The following PRICKLE2 variants were observed in gnomAD, a reference collection of about 807,000 sequenced individuals.
PRICKLE2 encodes the protein prickle-like protein 2.
A neutral mutation model predicts 81.4 loss-of-function variants in PRICKLE2; 21 were observed. That is an observed-to-expected ratio of 0.26 (90% confidence interval 0.18 to 0.37). The LOEUF (loss-of-function observed/expected upper bound fraction) is 0.37, where lower values mean the gene tolerates loss of function less well. PRICKLE2 is among the 10% of genes least tolerant of loss of function. The pLI is 1.00. For missense variants in PRICKLE2, 940 were observed against 1,109.0 expected, an observed-to-expected ratio of 0.85 and a Z score of 2.16; for synonymous variants, 456 against 421.5, an observed-to-expected ratio of 1.08 and a Z score of -1.00.
chr3:64,098,111 C>T lies in PRICKLE2; in HGVS notation c.*940G>A, dbSNP rs986580597. On this transcript the variant is annotated 3_prime_UTR_variant, in exon 8 of 8. Transcript: ENST00000638394. The stretch of plus-strand genomic sequence containing the variant: ...GAACATAATGCCACATTCAAAACAA[C>T]GTCATGCTGACATCACACAATGGCA... The T allele has an allele frequency of 1.3e-5, 2 of 152,690 alleles. No homozygotes were observed. Among genetic ancestry groups the T allele is most frequent in the Non-Finnish European group, 1.5e-5 (1 of 68,064 alleles). 9.5% of individuals were successfully genotyped at this position (152,690 alleles called of 1,614,324 possible).
At chr3:64,178,997 TTC>T (rs1228003781) in intron 2 of PRICKLE2, among the ~76,000 whole-genome samples, 1 of 148,724 alleles carries the variant, frequency 6.7e-6, no homozygotes, top group East Asian at 2.0e-4. Context: ...CTTTCTTTCT[TTC>T]TTTCTTTCTT....
At chr3:64,257,445 C>A (rs2079543233) in intron 2 of PRICKLE2, among the ~76,000 whole-genome samples, 2 of 152,166 alleles carry the variant, frequency 1.3e-5, no homozygotes, top group Non-Finnish European at 2.9e-5. Context: ...ATATGTGCAG[C>A]CCATCATGTC....
intron 1 of PRICKLE2, among the ~76,000 whole-genome samples, chr3:64,208,786 T>A (rs531119956): frequency 1.3e-5 from 2 of 152,362 alleles, no homozygotes; most frequent in East Asian, 1.9e-4. Context: ...GATAAACTCA[T>A]AAGTGACTTG....
intron 3 of PRICKLE2, among the ~76,000 whole-genome samples, chr3:64,161,349 T>A (rs1022480003): frequency 2.0e-5 from 3 of 152,166 alleles, no homozygotes; most frequent in Non-Finnish European, 2.9e-5. Context: ...AATCTGGACA[T>A]CAGAAAGGTT....
rs531652133 is a variant in PRICKLE2, at chr3:64,205,563, T to C, written c.-40-6596A>G. On this transcript the variant is annotated intron_variant, in intron 1 of 7. Transcript: ENST00000638394. ...ACAGGTTATTTACAACACCGAACCC[T>C]GAACCACAAGGTCTTGTTTTATGTG... Among the ~76,000 whole-genome samples, 3 of 152,296 alleles carry C rather than the reference T, an allele frequency of 2.0e-5. No homozygotes were observed. The South Asian group carries it at 6.2e-4, about 32-fold the overall frequency.
intron 2 of PRICKLE2, among the ~76,000 whole-genome samples, chr3:64,256,402 A>G (rs1349043142): frequency 2.0e-5 from 3 of 152,190 alleles, no homozygotes; most frequent in Admixed American, 6.5e-5. Flanking sequence ...GTCAAAAAAA[A>G]TCTGTGGAAA....
rs2076582707 is a variant in PRICKLE2 at position 64,097,129 on chromosome 3, A to G, written c.*1922T>C. 1 of 152,658 alleles carries G rather than the reference A, an allele frequency of 6.6e-6. No homozygotes were observed. The highest frequency in any genetic ancestry group is 2.4e-5 in the African/African-American group (1 of 41,456). 9.5% of individuals were successfully genotyped at this position (152,658 alleles called of 1,614,324 possible). Reference sequence around the variant, plus strand: ...TTTAGATATGAAGATAGCATGCGGAAAACAGCCACAACCAACATGTGCATT... The same window carrying G: ...TTTAGATATGAAGATAGCATGCGGAGAACAGCCACAACCAACATGTGCATT... On this transcript the variant is annotated 3_prime_UTR_variant, in exon 8 of 8. Transcript: ENST00000638394.
intron 2 of PRICKLE2, among the ~76,000 whole-genome samples, chr3:64,191,321 T>G (rs1198920796): frequency 1.3e-5 from 2 of 152,162 alleles, no homozygotes; most frequent in Non-Finnish European, 2.9e-5. Flanking sequence ...TACTACTATT[T>G]CACAAGAAAG....
At chr3:64,196,725 G>A (rs577516323) in intron 2 of PRICKLE2, among the ~76,000 whole-genome samples, 15 of 152,094 alleles carry the variant, frequency 9.9e-5, no homozygotes, top group Non-Finnish European at 1.9e-4. Flanking sequence ...TTAGAACAGA[G>A]ATCACAAAAC....
At chr3:64,123,971 C>T (rs530184958) in intron 7 of PRICKLE2, among the ~76,000 whole-genome samples, 37 of 152,284 alleles carry the variant, frequency 2.4e-4, no homozygotes, top group African/African-American at 8.2e-4. Flanking sequence ...GATGACTAAG[C>T]TTAGTGAGGA....
intron 7 of PRICKLE2, among the ~76,000 whole-genome samples, chr3:64,106,339 A>T (rs1300362823): frequency 6.6e-6 from 1 of 152,196 alleles, no homozygotes; most frequent in Non-Finnish European, 1.5e-5. Context: ...CTGTTTTTCT[A>T]AATAAAGTTG....
At chr3:64,211,450 T>C (rs58752568) in intron 1 of PRICKLE2, among the ~76,000 whole-genome samples, 7,973 of 152,276 alleles carry the variant, frequency 0.052, 686 homozygotes, top group African/African-American at 0.18. Context: ...AATGTTCTTG[T>C]TCTGAAGAGA....
chr3:64,196,213 G>C (rs1177373159), intron 2 of PRICKLE2, among the ~76,000 whole-genome samples: 1 of 152,138 alleles, frequency 6.6e-6, no homozygotes, highest in Non-Finnish European at 1.5e-5. Context: ...CTGCATTTCA[G>C]GGAATGACGT....
At chr3:64,198,701 T>G (rs1213094444) in intron 2 of PRICKLE2, 83 bp downstream of exon 2, 3 of 1,441,410 alleles carry the variant, frequency 2.1e-6, no homozygotes, top group Non-Finnish European at 2.9e-6. Context: ...AGTCTACTCT[T>G]CCTACAGAAC....
intron 2 of PRICKLE2, among the ~76,000 whole-genome samples, chr3:64,261,961 T>G (rs2107190446): frequency 6.6e-6 from 1 of 152,350 alleles, no homozygotes; most frequent in East Asian, 1.9e-4. Flanking sequence ...TGAAAAATGA[T>G]GGCAGCATGG....
At chr3:64,241,219 T>C (rs748316632) in intron 2 of PRICKLE2, among the ~76,000 whole-genome samples, 1 of 152,202 alleles carries the variant, frequency 6.6e-6, no homozygotes, top group South Asian at 2.1e-4. Flanking sequence ...ACCTATACAA[T>C]GGCTCCTCTT....
chr3:64,242,181 C>T (rs2079276221), intron 2 of PRICKLE2, among the ~76,000 whole-genome samples: 1 of 152,172 alleles, frequency 6.6e-6, no homozygotes, highest in South Asian at 2.1e-4. Flanking sequence ...TCTGTCCCCA[C>T]ACTACCGCAA....
chr3:64,147,299 C>T lies in PRICKLE2; in HGVS notation c.1191G>A (p.Arg397=). ...SLNRDPIWRS[R]EEPYHYGNKM... ...TGTTCCCATAATGGTAGGGCTCTTC[C>T]CGGCTCCTCCAGATGGGGTCCCGGT... The change falls in exon 7 of 8, where the codon CGG becomes CGA. Residue 397 remains arginine (R), a synonymous_variant. Coordinates refer to ENST00000638394, the MANE Select transcript of PRICKLE2 (RefSeq NM_198859.4). This position sits in a 1 kb window ranked among gnomAD's most constrained non-coding sequence, Gnocchi z 5.0. The T allele has an allele frequency of 1.2e-6, 2 of 1,613,618 alleles. No individual in the cohort carries two copies. Among genetic ancestry groups the T allele is most frequent in the African/African-American group, 1.3e-5 (1 of 75,022 alleles).
chr3:64,235,448 C>T (rs1039246204), intron 2 of PRICKLE2, among the ~76,000 whole-genome samples: 1 of 152,126 alleles, frequency 6.6e-6, no homozygotes, highest in Non-Finnish European at 1.5e-5. Flanking sequence ...CTTTGCATGT[C>T]TCAAAATATT....
Sources: allele counts gnomAD v4.1 joint callset (sites outside exome capture counted in the v4.1 genomes callset), GRCh38; gene constraint gnomAD v4.1.1; non-coding constraint Gnocchi (gnomAD v3.1); transcripts MANE v1.5; gene names NCBI Gene and HGNC (gene_info 2026-07-23, HGNC 2026-07-21).